TMEM74: variants seen among roughly 807,000 people sequenced by gnomAD.
TMEM74 encodes transmembrane protein 74.
TMEM74 carries 13 observed loss-of-function variants against 18.1 expected under a neutral mutation model. That is an observed-to-expected ratio of 0.72 (90% CI 0.47 to 1.14). The LOEUF (loss-of-function observed/expected upper bound fraction) is 1.14. TMEM74 is among the 50% of genes most tolerant of loss of function. The probability of loss-of-function intolerance (pLI) is 0.00; values close to 1 mark genes in which losing one functional copy is unlikely to be tolerated. For missense variants in TMEM74, 372 were observed against 375.9 expected, an observed-to-expected ratio of 0.99 and a Z score of 0.09; for synonymous variants, 159 against 146.6, an observed-to-expected ratio of 1.08 and a Z score of -0.61.
intron 1 of TMEM74, among the ~76,000 whole-genome samples, chr8:108,785,600 A>C (rs886220915): frequency 6.6e-6 from 1 of 152,016 alleles, no homozygotes; most frequent in Non-Finnish European, 1.5e-5. Context: ...AAGTGTTTAC[A>C]CTCTCCCTAG....
chr8:108,710,188 T>G (rs1813460560), intron 1 of TMEM74, among the ~76,000 whole-genome samples: 1 of 152,232 alleles, frequency 6.6e-6, no homozygotes. Flanking sequence ...TATGTTTTAG[T>G]AAAGGATGCG....
chr8:108,693,990 T>C (rs1024200890), intron 1 of TMEM74, among the ~76,000 whole-genome samples: 3 of 152,222 alleles, frequency 2.0e-5, no homozygotes, highest in South Asian at 2.1e-4. Context: ...GAAACCAACA[T>C]TGTAACATCA....
At chr8:108,667,205 G>A (rs1015217449) in intron 1 of TMEM74, among the ~76,000 whole-genome samples, 2 of 152,182 alleles carry the variant, frequency 1.3e-5, no homozygotes, top group Non-Finnish European at 2.9e-5. Flanking sequence ...CTGAGTATGA[G>A]TCCCAGTTGT....
At chr8:108,618,247 G>A (rs1195061243) in intron 2 of TMEM74, among the ~76,000 whole-genome samples, 1 of 152,122 alleles carries the variant, frequency 6.6e-6, no homozygotes, top group East Asian at 1.9e-4. Context: ...GGATTCTAGT[G>A]CTGAAATATT....
intron 2 of TMEM74, among the ~76,000 whole-genome samples, chr8:108,645,408 T>A (rs1812708267): frequency 6.6e-6 from 1 of 152,118 alleles, no homozygotes; most frequent in African/African-American, 2.4e-5. Context: ...CTATGCTCAG[T>A]GCCTGGGTGA....
intron 1 of TMEM74, among the ~76,000 whole-genome samples, chr8:108,732,814 C>T (rs1159640154): frequency 6.6e-6 from 1 of 150,424 alleles, no homozygotes; most frequent in Non-Finnish European, 1.5e-5. Context: ...TATGTAAAGG[C>T]TCACACCTAG....
intron 1 of TMEM74, among the ~76,000 whole-genome samples, chr8:108,768,031 G>T (rs1814129930): frequency 6.6e-6 from 1 of 151,986 alleles, no homozygotes; most frequent in East Asian, 1.9e-4. Context: ...TCCCAATTTT[G>T]GGCTGAGAGA....
intron 1 of TMEM74, among the ~76,000 whole-genome samples, chr8:108,663,430 G>A (rs891477336): frequency 3.9e-5 from 6 of 152,042 alleles, no homozygotes; most frequent in South Asian, 2.1e-4. Flanking sequence ...CATGCCAGTC[G>A]GAATGGCGAT....
At chr8:108,640,518 C>G (rs894931494) in intron 2 of TMEM74, among the ~76,000 whole-genome samples, 2 of 152,110 alleles carry the variant, frequency 1.3e-5, no homozygotes, top group East Asian at 1.9e-4. Context: ...TCTATATCAG[C>G]CTTTTTTCAA....
intron 1 of TMEM74, among the ~76,000 whole-genome samples, chr8:108,673,716 G>A (rs1414813161): frequency 6.6e-6 from 1 of 152,150 alleles, no homozygotes; most frequent in Non-Finnish European, 1.5e-5. Context: ...GAAAAGTAGA[G>A]GGGACAAAAA....
chr8:108,682,276 C>G (rs886324869), intron 1 of TMEM74, among the ~76,000 whole-genome samples: 1 of 152,034 alleles, frequency 6.6e-6, no homozygotes, highest in African/African-American at 2.4e-5. Context: ...ATGCTATTCT[C>G]TTCACCCCCA....
chr8:108,618,223 A>G lies in TMEM74; in HGVS notation n.265-9397T>C, dbSNP rs552340324. ...TTTGAAAGTAAGGCCTACATTTTAA[A>G]TGATATATGGAATGGATTCTAGTGC... On this transcript the variant is annotated intron_variant and non_coding_transcript_variant, in intron 2 of 3. Transcript: ENST00000518838. Among the ~76,000 whole-genome samples, 7 of 152,288 alleles carry G rather than the reference A, an allele frequency of 4.6e-5. No homozygotes were observed. In the East Asian group the frequency reaches 1.4e-3, roughly 29 times the overall value.
At chr8:108,642,603 G>C (rs1433705682) in intron 2 of TMEM74, among the ~76,000 whole-genome samples, 2 of 152,076 alleles carry the variant, frequency 1.3e-5, no homozygotes, top group Non-Finnish European at 2.9e-5. Context: ...AATAGGTTTA[G>C]AATTAATTAA....
At chr8:108,730,424 GA>G (rs1813682007) in intron 1 of TMEM74, among the ~76,000 whole-genome samples, 1 of 152,066 alleles carries the variant, frequency 6.6e-6, no homozygotes, top group African/African-American at 2.4e-5. Context: ...GCCTCTCGTC[GA>G]CACAATCAAG....
chr8:108,758,586 G>A (rs1367030120), intron 1 of TMEM74, among the ~76,000 whole-genome samples: 12 of 152,038 alleles, frequency 7.9e-5, no homozygotes. Context: ...TACTGTGGAG[G>A]ATGCTGAGTA....
chr8:108,638,968 G>A (rs967250338), intron 2 of TMEM74, among the ~76,000 whole-genome samples: 12 of 152,142 alleles, frequency 7.9e-5, no homozygotes, highest in African/African-American at 2.4e-4. Context: ...TTTCCCTTCT[G>A]TTGCTGGGAT....
At chr8:108,742,145 T>G (rs755445637) in intron 1 of TMEM74, among the ~76,000 whole-genome samples, 9 of 151,796 alleles carry the variant, frequency 5.9e-5, no homozygotes, top group Non-Finnish European at 1.2e-4. Context: ...GGGGTCGGGT[T>G]GAGGGTGGGA....
At chr8:108,721,171 G>A (rs1237181376) in intron 1 of TMEM74, among the ~76,000 whole-genome samples, 11 of 152,170 alleles carry the variant, frequency 7.2e-5, no homozygotes, top group Non-Finnish European at 1.6e-4. Context: ...TGGAGATACA[G>A]TGGTGAATCA....
At chr8:108,685,473 C>T (rs1813158904) in intron 1 of TMEM74, among the ~76,000 whole-genome samples, 1 of 152,052 alleles carries the variant, frequency 6.6e-6, no homozygotes, top group Admixed American at 6.6e-5. Flanking sequence ...TTCCTCAACA[C>T]CATTTTTAAT....
Sources: gnomAD v4.1 joint callset for allele counts (sites outside exome capture counted in the v4.1 genomes callset) on GRCh38, gnomAD v4.1.1 for gene constraint, MANE v1.5 for transcripts, NCBI Gene and HGNC (gene_info 2026-07-23, HGNC 2026-07-21) for gene names.